C19orf38: variants seen among roughly 807,000 people sequenced by gnomAD.
C19orf38 encodes the protein protein HIDE1.
Under a neutral mutation model 26.6 loss-of-function variants are expected in C19orf38, and 14 were observed. The observed-to-expected ratio is 0.53, with a 90% CI of 0.35 to 0.82. C19orf38 has a LOEUF of 0.82. Among genes scored for constraint, C19orf38 ranks in the 40% least tolerant of loss-of-function variants. C19orf38 has a pLI of 0.01. For synonymous variants in C19orf38, 132 were observed against 128.5 expected (o/e 1.03, Z -0.18); for missense variants, 261 against 299.5 (o/e 0.87, Z 0.95).
upstream of C19orf38, among the ~76,000 whole-genome samples, chr19:10,846,691 C>T (rs1016723956): frequency 2.5e-4 from 38 of 152,218 alleles, no homozygotes; most frequent in African/African-American, 9.2e-4. Flanking sequence ...TCACTACAGA[C>T]CCTACAGACA....
intron 1 of C19orf38, chr19:10,841,748 G>A (rs1334129775): frequency 5.6e-6 from 4 of 710,516 alleles, no homozygotes; most frequent in Non-Finnish European, 9.7e-6. Context: ...CAAGTTGGGA[G>A]GATCTCTTGA....
At chr19:10,848,658 C>T in intron 1 of C19orf38, 119 bp downstream of exon 1, 1 of 959,460 alleles carries the variant, frequency 1.0e-6, no homozygotes, top group African/African-American at 1.6e-5. Context: ...ATCGAGGAGG[C>T]TGAGCCCTTG....
At chr19:10,862,201 G>GTT (rs566409872) in intron 5 of C19orf38, among the ~76,000 whole-genome samples, 129 of 120,854 alleles carry the variant, frequency 1.1e-3, no homozygotes, top group Non-Finnish European at 1.4e-3. Flanking sequence ...CGCCCAGCCT[G>GTT]TTTTTTTTTT....
At chr19:10,857,330 A>C (rs2073635763) in intron 3 of C19orf38, among the ~76,000 whole-genome samples, 1 of 111,048 alleles carries the variant, frequency 9.0e-6, no homozygotes, top group Admixed American at 9.3e-5. Context: ...ATACACACAC[A>C]CACACATACA....
At chr19:10,843,204 G>C (rs2073491787) in intron 1 of C19orf38, among the ~76,000 whole-genome samples, 1 of 152,176 alleles carries the variant, frequency 6.6e-6, no homozygotes, top group Non-Finnish European at 1.5e-5. Flanking sequence ...GAAAGGGTAG[G>C]TATATGCAAA....
intron 4 of C19orf38, 141 bp from the exon 5 acceptor site, chr19:10,859,774 G>A: frequency 1.0e-5 from 7 of 695,688 alleles, no homozygotes. Flanking sequence ...CTGCTCTTCT[G>A]TGGGGAAGAC....
rs531980774 is a variant in C19orf38 at position 10,840,934 on chromosome 19, C to T, written c.-69+4164C>T. 4.6e-5 allele frequency among the ~76,000 whole-genome samples: 7 copies of T among 152,176 alleles called. No homozygotes were observed. The South Asian group carries it at 1.5e-3, about 32-fold the overall frequency. ...ACAGGCGTGGGCCACTGTGACCGGC[C>T]CTGTTTTGTATTTTTTGTTTGTTTG... On this transcript the variant is annotated intron_variant, in intron 1 of 7. Transcript: ENST00000592854.
At chr19:10,846,375 T>TAAA (rs2073518067), upstream of C19orf38, among the ~76,000 whole-genome samples, 2 of 150,436 alleles carry the variant, frequency 1.3e-5, no homozygotes, top group Non-Finnish European at 3.0e-5. Context: ...TAAAAAAAAT[T>TAAA]TTTTTTTAAT....
At chr19:10,863,324 G>T (rs1049688236) in intron 6 of C19orf38, 117 bp downstream of exon 6, 3 of 1,221,836 alleles carry the variant, frequency 2.5e-6, no homozygotes, top group Non-Finnish European at 3.5e-6. Context: ...GCTGCGGGGG[G>T]GCTAGGAAAA....
chr19:10,858,407 G>A lies in C19orf38; in HGVS notation c.461+64G>A, dbSNP rs542099492. 60 of 1,457,152 alleles carry A rather than the reference G, an allele frequency of 4.1e-5. No homozygotes were observed. In the East Asian group the frequency reaches 1.2e-3, roughly 29 times the overall value. 90.3% of individuals were successfully genotyped at this position (1,457,152 alleles called of 1,614,324 possible). On this transcript the variant is annotated intron_variant, in intron 4 of 6. Coordinates refer to ENST00000397820, the MANE Select transcript of C19orf38 (RefSeq NM_001136482.3). ...GGAAAGAAGGACACTTCCCTGGCAG[G>A]GTGGGCACTCCATGCCCCCCACAAA... is the stretch of plus-strand genomic sequence containing the variant.
At chr19:10,869,096 GTGGGGGCGGGATGAGAGGAGACCTGC>G in intron 6 of C19orf38, 96 bp from the exon 7 acceptor site, 1 of 1,284,182 alleles carries the variant, frequency 7.8e-7, no homozygotes, top group Non-Finnish European at 1.1e-6. Context: ...GTGGGTGTGG[GTGGGGGCGGGATGAGAGGAGACCTGC>G]TGGGCTGGCA....
At chr19:10,854,151 C>T (rs1262118995) in intron 2 of C19orf38, among the ~76,000 whole-genome samples, 2 of 151,618 alleles carry the variant, frequency 1.3e-5, no homozygotes, top group Non-Finnish European at 2.9e-5. Context: ...CAACCTTTGC[C>T]TCCCAGGCTC....
chr19:10,867,465 A>G (rs1306364318), intron 6 of C19orf38, among the ~76,000 whole-genome samples: 1 of 149,720 alleles, frequency 6.7e-6, no homozygotes, highest in Non-Finnish European at 1.5e-5. Flanking sequence ...AAAAAAAAAA[A>G]AAATTAGCCG....
In C19orf38 at chr19:10,841,930, G is replaced by A. The variant is rs762345391; in HGVS notation, c.-69+5160G>A. 6.1e-4 allele frequency: 988 copies of A among 1,607,994 alleles called. 1 individual carries two copies. The highest frequency in any genetic ancestry group is 7.9e-4 in the Non-Finnish European group (926 of 1,176,352). ...GGAATGCCAGTGTGGCAACTCCTAG[G>A]ATTTGTCACGAATGGGAAGCCAAGT... On this transcript the variant is annotated intron_variant, in intron 1 of 7. Transcript: ENST00000592854.
chr19:10,867,225 A>C (rs1169699309), intron 6 of C19orf38, among the ~76,000 whole-genome samples: 2 of 145,706 alleles, frequency 1.4e-5, no homozygotes, highest in African/African-American at 5.0e-5. Context: ...ATATGAGATC[A>C]CATGATATTT....
rs950859747 is a variant in C19orf38 at position 10,863,199 on chromosome 19, G to A, written c.535G>A (p.Val179Ile). 6.1e-5 allele frequency: 95 copies of A among 1,551,322 alleles called. No individual in the cohort carries two copies. Among genetic ancestry groups the A allele is most frequent in the African/African-American group, 9.6e-5 (7 of 73,124 alleles). ...GTCCTTCGATAACTCCCTGTTTACC[G>A]TCTCCGCGGTGAGTGGTTCTTTTTC... is the stretch of plus-strand genomic sequence containing the variant. Reference protein sequence around the residue: ...DMSFDNSLFTVSAKTMPEEDP... With the variant: ...DMSFDNSLFTISAKTMPEEDP... Residue 179 changes from valine (V) to isoleucine (I), a missense_variant, in exon 6 of 7, where the codon GTC becomes ATC. Transcript: ENST00000397820.
upstream of C19orf38, among the ~76,000 whole-genome samples, chr19:10,847,369 CTT>C (rs918277367): frequency 4.3e-3 from 537 of 125,908 alleles, 2 homozygotes; most frequent in African/African-American, 0.015. Context: ...GTCCACTGCT[CTT>C]TTTTTTTTTT....
rs1036579530 is a variant in C19orf38, at chr19:10,867,718, T to C, written c.544-1500T>C. 4.7e-4 allele frequency among the ~76,000 whole-genome samples: 64 copies of C among 137,230 alleles called. 1 individual carries two copies. Among genetic ancestry groups the C allele is most frequent in the Admixed American group, 1.1e-3 (15 of 13,082 alleles). The allele number at this position is 137,230 out of a possible 152,430, so 90.0% of individuals were successfully genotyped here. A position where few individuals can be genotyped will look rare whatever the true frequency, so the allele number is the denominator to read the frequency against. On this transcript the variant is annotated intron_variant, in intron 6 of 6. Coordinates refer to ENST00000397820, the MANE Select transcript of C19orf38 (RefSeq NM_001136482.3). Reference sequence around the variant, plus strand: ...CCCAGACTGCAGTGCAGTGGTGTGATCTCGGCTCACTGCCACCTCTGCCTC... The same window carrying C: ...CCCAGACTGCAGTGCAGTGGTGTGACCTCGGCTCACTGCCACCTCTGCCTC...
At chr19:10,845,876 CAAAA>C (rs967662038), upstream of C19orf38, among the ~76,000 whole-genome samples, 15 of 72,490 alleles carry the variant, frequency 2.1e-4, no homozygotes, top group African/African-American at 2.1e-4. Flanking sequence ...AAGACTCCGT[CAAAA>C]AAAAAAAAAA....
Sources: gnomAD v4.1 joint callset for allele counts (sites outside exome capture counted in the v4.1 genomes callset) on GRCh38, gnomAD v4.1.1 for gene constraint, MANE v1.5 for transcripts, NCBI Gene and HGNC (gene_info 2026-07-23, HGNC 2026-07-21) for gene names.